Variants in VAX2 observed in about 807,000 individuals in gnomAD.
VAX2 encodes ventral anterior homeobox 2.
Under a neutral mutation model 12.5 loss-of-function variants are expected in VAX2, and 8 were observed. That is an observed-to-expected ratio of 0.64 (90% CI 0.37 to 1.15). The LOEUF (loss-of-function observed/expected upper bound fraction) is 1.15. Ranked by LOEUF, VAX2 falls within the 50% of genes most tolerant of loss-of-function variation. VAX2 has a pLI of 0.01. For missense variants in VAX2, 476 were observed against 412.9 expected (o/e 1.15, Z -1.32); for synonymous variants, 183 against 187.6 (o/e 0.98, Z 0.20).
rs1553410351 is a variant in VAX2 at position 70,904,738 on chromosome 2, C to T, written c.247+3870C>T. 6.6e-6 allele frequency among the ~76,000 whole-genome samples: 1 copy of T among 152,206 alleles called. No individual in the cohort carries two copies. The highest frequency in any genetic ancestry group is 2.4e-5 in the African/African-American group (1 of 41,464). On this transcript the variant is annotated intron_variant, in intron 1 of 2. Transcript: ENST00000234392. The surrounding 1 kb of genome is among the most constrained non-coding windows in gnomAD (Gnocchi z 4.2). ...TTCACCCGGGAGCTGCATGGATGCGCGGATGGCTGGGGGCTGAGGGGACGC... is the reference window on the plus strand; with the variant it reads ...TTCACCCGGGAGCTGCATGGATGCGTGGATGGCTGGGGGCTGAGGGGACGC...
intron 1 of VAX2, among the ~76,000 whole-genome samples, chr2:70,913,163 A>T (rs1679228156): frequency 6.6e-6 from 1 of 152,224 alleles, no homozygotes; most frequent in African/African-American, 2.4e-5. Flanking sequence ...TCACAAGTGG[A>T]CAGGGGCTCA....
intron 1 of VAX2, among the ~76,000 whole-genome samples, chr2:70,919,714 T>C (rs1679404998): frequency 6.6e-6 from 1 of 151,946 alleles, no homozygotes; most frequent in Admixed American, 6.6e-5. Context: ...TAGCAGGGCG[T>C]GGTGGTGTGC....
Position 70,921,153 on chromosome 2 carries a change from G to A in VAX2, c.303G>A (p.Arg101=). 1 of 1,613,264 alleles carries A rather than the reference G, an allele frequency of 6.2e-7. No homozygotes were observed. The highest frequency in any genetic ancestry group is 1.1e-5 in the South Asian group (1 of 90,900). ...TGCCTAAGGGCCTGGACCTGGACCG[G>A]CCCAAGCGGACACGTACATCCTTCA... ...IVLPKGLDLD[R]PKRTRTSFTA... The change falls in exon 2 of 3, where the codon CGG becomes CGA. Residue 101 remains arginine (R), a synonymous_variant. Transcript: ENST00000234392.
intron 2 of VAX2, among the ~76,000 whole-genome samples, chr2:70,930,004 A>C (rs1197225493): frequency 6.6e-6 from 1 of 152,210 alleles, no homozygotes; most frequent in African/African-American, 2.4e-5. Flanking sequence ...ATCAACCTCA[A>C]GTAGGTCTCA....
At chr2:70,922,043 A>T (rs1409790818) in intron 2 of VAX2, among the ~76,000 whole-genome samples, 1 of 152,164 alleles carries the variant, frequency 6.6e-6, no homozygotes, top group African/African-American at 2.4e-5. Flanking sequence ...TTCCCATGTT[A>T]CACGTGAAAG....
chr2:70,931,183 G>A (rs1679687332), intron 2 of VAX2, among the ~76,000 whole-genome samples: 1 of 152,344 alleles, frequency 6.6e-6, no homozygotes, highest in Non-Finnish European at 1.5e-5. Context: ...TGTAGAGTAG[G>A]AAGGGGTTTG....
At chr2:70,906,519 C>CTTTTTTT (rs1558653474) in intron 1 of VAX2, among the ~76,000 whole-genome samples, 1 of 67,546 alleles carries the variant, frequency 1.5e-5, no homozygotes. Flanking sequence ...CTTTTCTTTT[C>CTTTTTTT]CTTTTTTTTT....
At chr2:70,927,470 G>A (rs573367567) in intron 2 of VAX2, among the ~76,000 whole-genome samples, 12 of 151,056 alleles carry the variant, frequency 7.9e-5, no homozygotes, top group African/African-American at 1.7e-4. Context: ...AGAACAGCAC[G>A]ATAGATGGTA....
intron 2 of VAX2, among the ~76,000 whole-genome samples, chr2:70,925,707 A>G (rs1553413448): frequency 6.6e-6 from 1 of 152,174 alleles, no homozygotes; most frequent in Admixed American, 6.5e-5. Flanking sequence ...TAAAAACAGA[A>G]GCCATAGCCT....
intron 1 of VAX2, among the ~76,000 whole-genome samples, chr2:70,919,008 C>T (rs1235938426): frequency 2.6e-5 from 4 of 151,148 alleles, no homozygotes. Context: ...TCAAGGTCAG[C>T]CTGGCCAACA....
At chr2:70,930,548 A>G (rs1355934463) in intron 2 of VAX2, among the ~76,000 whole-genome samples, 1 of 152,146 alleles carries the variant, frequency 6.6e-6, no homozygotes, top group Non-Finnish European at 1.5e-5. Flanking sequence ...TCAAGGAGGC[A>G]GAGATCTTTT....
chr2:70,917,800 TA>T (rs1679342784), intron 1 of VAX2, among the ~76,000 whole-genome samples: 1 of 152,110 alleles, frequency 6.6e-6, no homozygotes, highest in African/African-American at 2.4e-5. Flanking sequence ...ATCTCATGTT[TA>T]GGGACTCAGG....
chr2:70,909,446 C>T (rs1229966968), intron 1 of VAX2, among the ~76,000 whole-genome samples: 1 of 152,098 alleles, frequency 6.6e-6, no homozygotes, highest in Non-Finnish European at 1.5e-5. Context: ...AAGCAATCCT[C>T]CCACCTGCGC....
Position 70,933,346 on chromosome 2 carries a change from G to A in VAX2, c.*142G>A, listed in dbSNP as rs555197052. 2.5e-5 allele frequency: 20 copies of A among 797,234 alleles called. No individual in the cohort carries two copies. In the East Asian group the frequency reaches 2.6e-4, roughly 10 times the overall value. 49.4% of individuals were successfully genotyped at this position (797,234 alleles called of 1,614,324 possible). A position where few individuals can be genotyped will look rare whatever the true frequency, so the allele number is the denominator to read the frequency against. ...CACCTGCCCCCCAGCTCAGAGACTC[G>A]TGACCAAATGGCCTTGGTCCCGCAG... On this transcript the variant is annotated 3_prime_UTR_variant, in exon 3 of 3. Transcript: ENST00000234392.
Position 70,932,948 on chromosome 2 carries a change from G to GCCTGCCAGGCCTA in VAX2, c.626_638dup (p.Ser213ArgfsTer13). ...CCTAGCCTCCTGGCGCTGACCCCTA[G>GCCTGCCAGGCCTA]CCTGCCAGGCCTACCTGCCAGCCAC... On this transcript the variant is annotated frameshift_variant, in exon 3 of 3. Coordinates refer to ENST00000234392, the MANE Select transcript of VAX2 (RefSeq NM_012476.3). LOFTEE classifies it low-confidence loss of function (END_TRUNC). 6.2e-7 allele frequency: 1 copy of GCCTGCCAGGCCTA among 1,612,232 alleles called. No individual in the cohort carries two copies. Among genetic ancestry groups the GCCTGCCAGGCCTA allele is most frequent in the Non-Finnish European group, 8.5e-7 (1 of 1,179,252 alleles).
rs1678906893 is a variant in VAX2 at position 70,900,862 on chromosome 2, G to C, written c.241G>C (p.Val81Leu). 2.8e-6 allele frequency: 4 copies of C among 1,421,824 alleles called. No individual in the cohort carries two copies. Among genetic ancestry groups the C allele is most frequent in the East Asian group, 3.0e-5 (1 of 33,840 alleles). The allele number at this position is 1,421,824 out of a possible 1,614,324, so 88.1% of individuals were successfully genotyped here. A position where few individuals can be genotyped will look rare whatever the true frequency, so the allele number is the denominator to read the frequency against. The change falls in exon 1 of 3, where the codon GTG (valine) becomes CTG (leucine). Residue 81 changes from valine (V) to leucine (L), a missense_variant. By Grantham distance (32) the Val-to-Leu change is conservative. Transcript: ENST00000234392. Reference sequence around the variant, plus strand: ...GGCAGACCACTGCCGCCGCATACTGGTGCGAGGTAAGGGGACAGCCCGCGG... The same window carrying C: ...GGCAGACCACTGCCGCCGCATACTGCTGCGAGGTAAGGGGACAGCCCGCGG... ...GEADHCRRILVRDAKGTIREI... is the reference protein window; with the variant it reads ...GEADHCRRILLRDAKGTIREI...
Position 70,904,829 on chromosome 2 carries a change from G to C in VAX2, c.247+3961G>C, listed in dbSNP as rs1445241630. On this transcript the variant is annotated intron_variant, in intron 1 of 2. Coordinates refer to ENST00000234392, the MANE Select transcript of VAX2 (RefSeq NM_012476.3). This position sits in a 1 kb window ranked among gnomAD's most constrained non-coding sequence, Gnocchi z 4.2. ...CGTGGGACGGGTGGGATTGACCTTA[G>C]TGGAGTCCAGTCCTTCGGAGAATCC... Among the ~76,000 whole-genome samples, 1 of 152,264 alleles carries C rather than the reference G, an allele frequency of 6.6e-6. No individual in the cohort carries two copies. The highest frequency in any genetic ancestry group is 2.4e-5 in the African/African-American group (1 of 41,470).
intron 2 of VAX2, among the ~76,000 whole-genome samples, chr2:70,932,297 A>G (rs534429074): frequency 1.2e-3 from 188 of 152,144 alleles, no homozygotes; most frequent in African/African-American, 4.2e-3. Flanking sequence ...ATCCATGGGG[A>G]GATGTCTAGC....
rs1295618514 is a variant in VAX2 at position 70,900,866 on chromosome 2, G to C, written c.245G>C (p.Arg82Pro). ...GACCACTGCCGCCGCATACTGGTGC[G>C]AGGTAAGGGGACAGCCCGCGGCCCT... is the stretch of plus-strand genomic sequence containing the variant. ...EADHCRRILV[R>P]DAKGTIREIV... The change falls in exon 1 of 3, where the codon CGA becomes CCA. Residue 82 changes from arginine to proline, a missense_variant and splice_region_variant. Coordinates refer to ENST00000234392, the MANE Select transcript of VAX2 (RefSeq NM_012476.3). 1.4e-6 allele frequency: 2 copies of C among 1,411,416 alleles called. No homozygotes were observed. Among genetic ancestry groups the C allele is most frequent in the African/African-American group, 3.0e-5 (2 of 67,392 alleles). The allele number at this position is 1,411,416 out of a possible 1,614,324, so 87.4% of individuals were successfully genotyped here. A position where few individuals can be genotyped will look rare whatever the true frequency, so the allele number is the denominator to read the frequency against.
Sources: gnomAD v4.1 joint callset for allele counts (sites outside exome capture counted in the v4.1 genomes callset) on GRCh38, gnomAD v4.1.1 for gene constraint, Gnocchi (gnomAD v3.1) non-coding constraint, MANE v1.5 for transcripts, NCBI Gene and HGNC (gene_info 2026-07-23, HGNC 2026-07-21) for gene names.